SDK1: variants seen among roughly 807,000 people sequenced by gnomAD.
SDK1 encodes sidekick cell adhesion molecule 1.
A neutral mutation model predicts 245.5 loss-of-function variants in SDK1; 157 were observed. That is an observed-to-expected ratio of 0.64 (90% CI 0.56 to 0.73). SDK1 has a LOEUF of 0.73. SDK1 is among the 30% of genes least tolerant of loss of function. The pLI is 0.00. For synonymous variants in SDK1, 1,647 were observed against 1,278.5 expected (o/e 1.29, Z -6.15); for missense variants, 3,583 against 3,002.3 (o/e 1.19, Z -4.52).
intron 4 of SDK1, among the ~76,000 whole-genome samples, chr7:3,790,526 C>T (rs561336479): frequency 5.3e-5 from 8 of 152,146 alleles, no homozygotes; most frequent in South Asian, 2.1e-4. Flanking sequence ...GTCTAACAGT[C>T]GGCCAGGCGT....
intron 16 of SDK1, among the ~76,000 whole-genome samples, chr7:4,012,458 C>T (rs1786056019): frequency 7.0e-6 from 1 of 143,160 alleles, no homozygotes; most frequent in East Asian, 2.2e-4. Context: ...CCATAAATGA[C>T]ACACACAAAA....
At position 3,664,540 on chromosome 7, in the gene SDK1, A is replaced by T. The variant is rs143162103; in HGVS notation, c.713+22435A>T. Among the ~76,000 whole-genome samples, 153 of 152,206 alleles carry T rather than the reference A, an allele frequency of 1.0e-3. 1 individual carries two copies. The highest frequency in any genetic ancestry group is 3.6e-3 in the African/African-American group (148 of 41,536). Reference sequence around the variant, plus strand: ...GATCACTTGAGGTTAGGAGATCGAGATCAGCCTGGCCAACATGGTGAAACC... The same window carrying T: ...GATCACTTGAGGTTAGGAGATCGAGTTCAGCCTGGCCAACATGGTGAAACC... On this transcript the variant is annotated intron_variant, in intron 4 of 44. Coordinates refer to ENST00000404826, the MANE Select transcript of SDK1 (RefSeq NM_152744.4).
intron 5 of SDK1, among the ~76,000 whole-genome samples, chr7:3,845,488 C>CAAAAAAA (rs369588343): frequency 5.0e-5 from 2 of 40,186 alleles, no homozygotes; most frequent in South Asian, 1.3e-3. Context: ...GACTCCGTCT[C>CAAAAAAA]AAAAAAAAAA....
chr7:3,555,821 C>T (rs1342960878), intron 1 of SDK1, among the ~76,000 whole-genome samples: 1 of 152,134 alleles, frequency 6.6e-6, no homozygotes, highest in South Asian at 2.1e-4. Context: ...TATTAAACGT[C>T]ATTGATCATC....
At chr7:3,918,746 C>T (rs1225952557) in intron 5 of SDK1, among the ~76,000 whole-genome samples, 1 of 152,178 alleles carries the variant, frequency 6.6e-6, no homozygotes, top group African/African-American at 2.4e-5. Flanking sequence ...CAGGAGACAC[C>T]TGCATGCCAC....
chr7:4,153,193 A>C (rs1382075050), intron 30 of SDK1, among the ~76,000 whole-genome samples: 1 of 151,606 alleles, frequency 6.6e-6, no homozygotes, highest in African/African-American at 2.4e-5. Flanking sequence ...GCAGGGATTC[A>C]ACGAATGTCA....
intron 20 of SDK1, among the ~76,000 whole-genome samples, chr7:4,075,985 G>A (rs1389524292): frequency 6.6e-6 from 1 of 152,130 alleles, no homozygotes; most frequent in Non-Finnish European, 1.5e-5. Flanking sequence ...AGTCACAGTG[G>A]AATCCCAGGT....
At chr7:3,858,950 C>T (rs1460125721) in intron 5 of SDK1, among the ~76,000 whole-genome samples, 1 of 147,832 alleles carries the variant, frequency 6.8e-6, no homozygotes, top group Non-Finnish European at 1.5e-5. Context: ...GCAAGCTCCA[C>T]CCACCAGGTC....
intron 1 of SDK1, among the ~76,000 whole-genome samples, chr7:3,557,933 G>C (rs911689867): frequency 1.3e-5 from 2 of 152,202 alleles, no homozygotes; most frequent in Non-Finnish European, 2.9e-5. Flanking sequence ...AAATAGAAAA[G>C]TATGCTTGTA....
At chr7:4,095,653 A>G (rs1230745284) in intron 22 of SDK1, among the ~76,000 whole-genome samples, 10 of 151,928 alleles carry the variant, frequency 6.6e-5, no homozygotes, top group Admixed American at 4.6e-4. Context: ...GCTCACTGCA[A>G]CCTCCACCTC....
intron 41 of SDK1, among the ~76,000 whole-genome samples, chr7:4,235,252 T>A (rs1786083376): frequency 6.6e-6 from 1 of 152,062 alleles, no homozygotes; most frequent in Non-Finnish European, 1.5e-5. Context: ...GCAACCTCCG[T>A]CTCCCGGGTT....
chr7:3,878,469 A>G (rs1300376116), intron 5 of SDK1, among the ~76,000 whole-genome samples: 1 of 152,206 alleles, frequency 6.6e-6, no homozygotes, highest in Non-Finnish European at 1.5e-5. Flanking sequence ...GTGAGCCAAG[A>G]TGGCACCACT....
chr7:4,165,977 T>TGG (rs1191521916), intron 32 of SDK1, among the ~76,000 whole-genome samples: 3 of 151,686 alleles, frequency 2.0e-5, no homozygotes, highest in Non-Finnish European at 4.4e-5. Flanking sequence ...TTCATAGAGA[T>TGG]GGAGTCTCAC....
At chr7:4,089,223 GTGGAGGTGAGACCCTCA>G (rs1220708577) in intron 22 of SDK1, among the ~76,000 whole-genome samples, 2 of 152,130 alleles carry the variant, frequency 1.3e-5, no homozygotes, top group African/African-American at 4.8e-5. Context: ...CCTCCCTCAA[GTGGAGGTGAGACCCTCA>G]TGGGCATCTG....
intron 44 of SDK1, among the ~76,000 whole-genome samples, chr7:4,263,202 C>G (rs1788161600): frequency 1.1e-5 from 1 of 89,060 alleles, no homozygotes; most frequent in Admixed American, 1.3e-4. Context: ...CACCCGCTTC[C>G]CTGTACCTGG....
chr7:3,527,680 G>C lies in SDK1; in HGVS notation c.299-91400G>C, dbSNP rs1309840899. Among the ~76,000 whole-genome samples, 4 of 149,494 alleles carry C rather than the reference G, an allele frequency of 2.7e-5. No homozygotes were observed. In the East Asian group the frequency reaches 6.1e-4, roughly 23 times the overall value. On this transcript the variant is annotated intron_variant, in intron 1 of 44. Coordinates refer to ENST00000404826, the MANE Select transcript of SDK1 (RefSeq NM_152744.4). ...TTGGAGGGATAGCCGGTTAGCAGGT[G>C]AGTGGTGGGAGGTGAGGCTGGATGA...
At chr7:3,586,360 C>T (rs189128047) in intron 1 of SDK1, among the ~76,000 whole-genome samples, 1 of 151,848 alleles carries the variant, frequency 6.6e-6, no homozygotes, top group African/African-American at 2.4e-5. Flanking sequence ...CTTAGGAATT[C>T]ACAGCAAATT....
chr7:3,792,433 GTGACTTATA>G (rs1781126144), intron 4 of SDK1, among the ~76,000 whole-genome samples: 1 of 152,148 alleles, frequency 6.6e-6, no homozygotes, highest in East Asian at 1.9e-4. Context: ...GGCATGCACC[GTGACTTATA>G]TAACTTTATA....
intron 7 of SDK1, among the ~76,000 whole-genome samples, chr7:3,952,831 T>C (rs1433766864): frequency 6.6e-6 from 1 of 152,210 alleles, no homozygotes; most frequent in African/African-American, 2.4e-5. Context: ...TTAGGGAGTG[T>C]GCATTGTACA....
Sources: allele counts gnomAD v4.1 joint callset (sites outside exome capture counted in the v4.1 genomes callset), GRCh38; gene constraint gnomAD v4.1.1; transcripts MANE v1.5; gene names NCBI Gene and HGNC (gene_info 2026-07-23, HGNC 2026-07-21).